CIITA: variants seen among roughly 807,000 people sequenced by gnomAD.
The protein encoded by CIITA is MHC class II transactivator.
CIITA carries 72 observed loss-of-function variants against 115.1 expected under a neutral mutation model. The ratio of observed to expected loss-of-function variants is 0.63; its 90% CI spans 0.52 to 0.76. CIITA has a LOEUF of 0.76. CIITA is among the 30% of genes least tolerant of loss of function. The pLI is 0.00. For synonymous variants in CIITA, 763 were observed against 635.6 expected (o/e 1.20, Z -3.02); for missense variants, 1,617 against 1,463.8 (o/e 1.10, Z -1.71).
chr16:10,941,155 T>C (rs1323029378), downstream of CIITA: 3 of 153,008 alleles, frequency 2.0e-5, no homozygotes, highest in Non-Finnish European at 4.4e-5. The surrounding 1 kb of genome is among the most constrained non-coding windows in gnomAD (Gnocchi z 6.4). Context: ...TCCCTGTGTC[T>C]TCTGACACCC....
chr16:10,913,439 C>T lies in CIITA; in HGVS notation c.2889-2131C>T, dbSNP rs745354935. 11 of 165,026 alleles carry T rather than the reference C, an allele frequency of 6.7e-5. 1 individual carries two copies. Among genetic ancestry groups the T allele is most frequent in the Admixed American group, 4.4e-4 (7 of 15,866 alleles). The allele number at this position is 165,026 out of a possible 1,614,324, so 10.2% of individuals were successfully genotyped here. A position where few individuals can be genotyped will look rare whatever the true frequency, so the allele number is the denominator to read the frequency against. On this transcript the variant is annotated intron_variant, in intron 13 of 19. Coordinates refer to ENST00000324288, the MANE Select transcript of CIITA (RefSeq NM_000246.4). Reference sequence around the variant, plus strand: ...AAGTGATTCTCTTGCCTCAGCCTCCCGAGTAGCTGGGACTACAGGCACATG... The same window carrying T: ...AAGTGATTCTCTTGCCTCAGCCTCCTGAGTAGCTGGGACTACAGGCACATG...
At chr16:10,906,159 C>T (rs745879077) in intron 10 of CIITA, among the ~76,000 whole-genome samples, 25 of 152,206 alleles carry the variant, frequency 1.6e-4, no homozygotes, top group African/African-American at 4.8e-5. Flanking sequence ...TGCCATTGCA[C>T]GCCAGCCTGG....
chr16:10,917,973 C>T (rs2040051167), intron 15 of CIITA, among the ~76,000 whole-genome samples: 1 of 152,156 alleles, frequency 6.6e-6, no homozygotes, highest in Non-Finnish European at 1.5e-5. Flanking sequence ...CTCCTTAGTC[C>T]TTCCGTCCCC....
At chr16:10,922,047 T>C (rs2040299023) in intron 16 of CIITA, 120 bp from the exon 17 acceptor site, 3 of 859,432 alleles carry the variant, frequency 3.5e-6, no homozygotes, top group Non-Finnish European at 4.0e-6. Flanking sequence ...CAATAAATAT[T>C]GATTCCTTCC....
chr16:10,911,223 TTTTTCTTTCTTTC>T (rs1449960654), intron 13 of CIITA, among the ~76,000 whole-genome samples: 1 of 151,890 alleles, frequency 6.6e-6, no homozygotes, highest in East Asian at 1.9e-4. Flanking sequence ...TCTCTCTTTC[TTTTTCTTTCTTTC>T]TTCTTTCTTT....
intron 1 of CIITA, among the ~76,000 whole-genome samples, chr16:10,869,802 C>A (rs1170448992): frequency 6.6e-6 from 1 of 152,154 alleles, no homozygotes; most frequent in Non-Finnish European, 1.5e-5. Flanking sequence ...AGCCACTGCG[C>A]CTGGCTCCCC....
intron 1 of CIITA, among the ~76,000 whole-genome samples, chr16:10,868,437 T>C (rs2143177730): frequency 6.6e-6 from 1 of 152,312 alleles, no homozygotes; most frequent in Admixed American, 6.5e-5. Flanking sequence ...AAGACAACAT[T>C]TCTACAGGGC....
At position 10,907,596 on chromosome 16, in the gene CIITA, G is replaced by A. The variant is rs760410085; in HGVS notation, c.2104G>A (p.Ala702Thr). The change falls in exon 11 of 20, where the codon GCA (alanine) becomes ACA (threonine). Residue 702 changes from alanine (A) to threonine (T), a missense_variant. Ala to Thr is a moderately conservative substitution (Grantham distance 58). Coordinates refer to ENST00000324288, the MANE Select transcript of CIITA (RefSeq NM_000246.4). The surrounding 1 kb of genome is among the most constrained non-coding windows in gnomAD (Gnocchi z 5.0). ...KGLVQHPPRA[A>T]ESELAFPSFL... ...CTTAGTCCAACACCCACCGCGGGCC[G>A]CAGAGTCCGAGCTGGCCTTCCCCAG... 143 of 1,614,204 alleles carry A rather than the reference G, an allele frequency of 8.9e-5. 1 individual carries two copies. In the South Asian group the frequency reaches 1.3e-3, roughly 15 times the overall value.
At chr16:10,887,327 C>T (rs527295618) in intron 1 of CIITA, among the ~76,000 whole-genome samples, 1 of 152,222 alleles carries the variant, frequency 6.6e-6, no homozygotes, top group South Asian at 2.1e-4. Flanking sequence ...ATTGAAGGGG[C>T]TCCAACACTC....
At chr16:10,911,828 G>C (rs1739672461) in intron 13 of CIITA, among the ~76,000 whole-genome samples, 1 of 152,130 alleles carries the variant, frequency 6.6e-6, no homozygotes, top group Non-Finnish European at 1.5e-5. Flanking sequence ...TAGGATTACA[G>C]GTGCGAGCTC....
chr16:10,899,088 G>T, intron 5 of CIITA, 86 bp downstream of exon 5: 2 of 1,294,086 alleles, frequency 1.5e-6, no homozygotes, highest in South Asian at 2.4e-5. Context: ...GGTCCAACTT[G>T]CTTCCCTCGC....
chr16:10,910,605 G>A (rs556807536), intron 13 of CIITA, among the ~76,000 whole-genome samples: 1 of 152,326 alleles, frequency 6.6e-6, no homozygotes, highest in East Asian at 1.9e-4. Flanking sequence ...TGGAGGAGGT[G>A]ATATCTGCAC....
intron 1 of CIITA, among the ~76,000 whole-genome samples, chr16:10,869,711 C>A (rs1156634751): frequency 6.6e-6 from 1 of 152,052 alleles, no homozygotes; most frequent in Admixed American, 6.6e-5. Context: ...GACAGGGTTT[C>A]TCCAAGTTGG....
chr16:10,891,579 C>T (rs772300856), intron 1 of CIITA, among the ~76,000 whole-genome samples: 1 of 152,078 alleles, frequency 6.6e-6, no homozygotes, highest in African/African-American at 2.4e-5. Context: ...GCTCTTGTCA[C>T]GAGATCACAC....
In CIITA at chr16:10,903,819, C is replaced by A. The variant is rs1247818302; in HGVS notation, c.861C>A (p.Thr287=). The A allele has an allele frequency of 6.2e-7, 1 of 1,614,226 alleles. No individual in the cohort carries two copies. ...CATCTCCAGACCGGCCAGGCTCCAC[C>A]AGCCCCTTCGCTCCATCAGCCACTG... ...LPTSPDRPGS[T]SPFAPSATDL... The change falls in exon 9 of 20, where the codon ACC becomes ACA. Residue 287 remains threonine, a synonymous_variant. Transcript: ENST00000324288.
rs1011676019 is a variant in CIITA, at chr16:10,929,453, G to A, written c.*5598G>A. 1.0e-6 allele frequency: 1 copy of A among 985,694 alleles called. No individual in the cohort carries two copies. The highest frequency in any genetic ancestry group is 1.7e-5 in the African/African-American group (1 of 57,242). 61.1% of individuals were successfully genotyped at this position (985,694 alleles called of 1,614,324 possible). ...GCCTCTTGCGTTCCCCCTTCTGTGG[G>A]AGCAGGTGCCTTCCCAACCTCAGCA... On this transcript the variant is annotated 3_prime_UTR_variant, in exon 20 of 20. Transcript: ENST00000324288. The surrounding 1 kb of genome is among the most constrained non-coding windows in gnomAD (Gnocchi z 4.3).
chr16:10,870,169 CAAAAAAAAAA>C (rs34256366), intron 1 of CIITA, among the ~76,000 whole-genome samples: 13 of 46,282 alleles, frequency 2.8e-4, no homozygotes, highest in Admixed American at 6.6e-4. Context: ...GTACTTCCTG[CAAAAAAAAAA>C]AAAAAAAAAA....
intron 1 of CIITA, among the ~76,000 whole-genome samples, chr16:10,887,249 G>T (rs931498474): frequency 6.6e-6 from 1 of 152,108 alleles, no homozygotes; most frequent in East Asian, 1.9e-4. Context: ...GTGTTGGGGG[G>T]GGCCTTGGGG....
chr16:10,895,132 AC>A, intron 1 of CIITA, 149 bp from the exon 2 acceptor site: 1 of 846,386 alleles, frequency 1.2e-6, no homozygotes, highest in Non-Finnish European at 1.9e-6. Context: ...TGCTCTCTCC[AC>A]CACGCTGAGC....
Sources: allele counts gnomAD v4.1 joint callset (sites outside exome capture counted in the v4.1 genomes callset), GRCh38; gene constraint gnomAD v4.1.1; non-coding constraint Gnocchi (gnomAD v3.1); transcripts MANE v1.5; gene names NCBI Gene and HGNC (gene_info 2026-07-23, HGNC 2026-07-21).